SGCZ: variants seen among roughly 807,000 people sequenced by gnomAD.
SGCZ encodes zeta-sarcoglycan.
SGCZ carries 40 observed loss-of-function variants against 41.3 expected under a neutral mutation model. The ratio of observed to expected loss-of-function variants is 0.97; its 90% confidence interval spans 0.75 to 1.26. The LOEUF is 1.26. Ranked by LOEUF, SGCZ falls within the 50% of genes most tolerant of loss-of-function variation. SGCZ has a pLI of 0.00. For missense variants in SGCZ, 552 were observed against 369.8 expected, an observed-to-expected ratio of 1.49 and a Z score of -4.04; for synonymous variants, 206 against 137.5, an observed-to-expected ratio of 1.50 and a Z score of -3.49.
chr8:14,789,698 T>A (rs1473025343), intron 1 of SGCZ, among the ~76,000 whole-genome samples: 2 of 152,108 alleles, frequency 1.3e-5, no homozygotes, highest in African/African-American at 2.4e-5. Context: ...CCTACTGTCT[T>A]TCATTACTAA....
At chr8:14,412,625 A>G (rs1329753793) in intron 2 of SGCZ, among the ~76,000 whole-genome samples, 1 of 152,064 alleles carries the variant, frequency 6.6e-6, no homozygotes, top group African/African-American at 2.4e-5. Flanking sequence ...GAGTAACCTA[A>G]CCTTTTAATC....
intron 1 of SGCZ, among the ~76,000 whole-genome samples, chr8:15,055,616 C>G (rs986334214): frequency 6.6e-6 from 1 of 152,182 alleles, no homozygotes; most frequent in African/African-American, 2.4e-5. Context: ...CCTGGGACCC[C>G]CTTTGCCAAA....
At chr8:15,205,058 T>C (rs1801017410) in intron 1 of SGCZ, among the ~76,000 whole-genome samples, 1 of 152,142 alleles carries the variant, frequency 6.6e-6, no homozygotes, top group Non-Finnish European at 1.5e-5. Context: ...AAGTTCAAGT[T>C]AACAGTGAAA....
chr8:14,147,491 G>A (rs1411777894), intron 5 of SGCZ, among the ~76,000 whole-genome samples: 1 of 152,088 alleles, frequency 6.6e-6, no homozygotes, highest in Non-Finnish European at 1.5e-5. Context: ...TAATGACAAA[G>A]GTATCGATTC....
intron 1 of SGCZ, among the ~76,000 whole-genome samples, chr8:14,736,385 C>T (rs12216762): frequency 0.38 from 57,855 of 151,954 alleles, 13,416 homozygotes; most frequent in African/African-American, 0.65. Flanking sequence ...TTAGTTGTTG[C>T]ATTCTACATT....
chr8:14,352,194 A>T (rs1317789408), intron 2 of SGCZ, among the ~76,000 whole-genome samples: 2 of 152,068 alleles, frequency 1.3e-5, no homozygotes, highest in African/African-American at 4.8e-5. Context: ...GTGAAGACTC[A>T]ATTGAAAATA....
rs1255190422 is a variant in SGCZ at position 15,096,087 on chromosome 8, A to AT, written c.39+141497dup. ...CTTTTTTATTTTTACTTATTTATTT[A>AT]TTTTTTTTGAGATGGAGTCTTGCCC... On this transcript the variant is annotated intron_variant, in intron 1 of 7. Coordinates refer to ENST00000382080, the MANE Select transcript of SGCZ (RefSeq NM_139167.4). Among the ~76,000 whole-genome samples the AT allele has an allele frequency of 6.6e-5, 10 of 151,660 alleles. No individual in the cohort carries two copies. In the South Asian group the frequency reaches 8.4e-4, roughly 13 times the overall value.
intron 2 of SGCZ, among the ~76,000 whole-genome samples, chr8:14,405,852 C>T (rs943329093): frequency 1.3e-5 from 2 of 149,754 alleles, no homozygotes; most frequent in African/African-American, 5.1e-5. Flanking sequence ...AGAATAATAT[C>T]TTAGTCATTT....
chr8:14,719,851 G>C (rs1024475529), intron 1 of SGCZ, among the ~76,000 whole-genome samples: 1 of 151,866 alleles, frequency 6.6e-6, no homozygotes, highest in Non-Finnish European at 1.5e-5. Context: ...AGAAGCTCTT[G>C]AGTTTAATGA....
At chr8:14,598,265 CTCAA>C (rs34496898) in intron 1 of SGCZ, among the ~76,000 whole-genome samples, 29,267 of 151,572 alleles carry the variant, frequency 0.19, 3,461 homozygotes, top group Non-Finnish European at 0.28. Flanking sequence ...CTTTGAGTAT[CTCAA>C]TCAATCTAAT....
At chr8:15,113,481 G>T (rs1807150161) in intron 1 of SGCZ, among the ~76,000 whole-genome samples, 1 of 151,944 alleles carries the variant, frequency 6.6e-6, no homozygotes, top group Admixed American at 6.6e-5. Context: ...CTCTTTCCCT[G>T]CTTCCTCTCA....
At chr8:14,548,574 A>G (rs911179714) in intron 2 of SGCZ, among the ~76,000 whole-genome samples, 1 of 152,134 alleles carries the variant, frequency 6.6e-6, no homozygotes, top group Admixed American at 6.6e-5. Context: ...CGAGAAATGC[A>G]CATAACAAAA....
intron 2 of SGCZ, among the ~76,000 whole-genome samples, chr8:14,395,833 G>C (rs1291041869): frequency 1.3e-5 from 2 of 152,180 alleles, no homozygotes; most frequent in African/African-American, 4.8e-5. Context: ...ATGCCTAAAT[G>C]AGTGGCTTCC....
intron 1 of SGCZ, among the ~76,000 whole-genome samples, chr8:14,833,257 G>A (rs1802591204): frequency 6.6e-6 from 1 of 152,104 alleles, no homozygotes; most frequent in African/African-American, 2.4e-5. Flanking sequence ...TTTAGGCAGA[G>A]ATGACAAATT....
intron 1 of SGCZ, among the ~76,000 whole-genome samples, chr8:14,830,258 A>T (rs1027241976): frequency 4.2e-4 from 63 of 148,550 alleles, no homozygotes; most frequent in African/African-American, 1.5e-3. Context: ...TGGTTTCCAA[A>T]TTTTTTTTTT....
intron 1 of SGCZ, among the ~76,000 whole-genome samples, chr8:14,880,148 T>A (rs10098711): frequency 0.37 from 56,632 of 151,950 alleles, 13,430 homozygotes; most frequent in African/African-American, 0.67. Flanking sequence ...GCCCAAAAAA[T>A]CTGCATTTAA....
At chr8:14,327,850 G>T (rs914319254) in intron 2 of SGCZ, among the ~76,000 whole-genome samples, 1 of 152,098 alleles carries the variant, frequency 6.6e-6, no homozygotes, top group Non-Finnish European at 1.5e-5. Context: ...GCGCAATCTT[G>T]GCTCACTGCA....
chr8:15,136,327 G>A (rs150098381), intron 1 of SGCZ, among the ~76,000 whole-genome samples: 1 of 152,026 alleles, frequency 6.6e-6, no homozygotes, highest in Non-Finnish European at 1.5e-5. Context: ...CCATGAGATG[G>A]CATTCTAGTG....
intron 1 of SGCZ, among the ~76,000 whole-genome samples, chr8:14,830,192 G>T (rs1433862544): frequency 6.6e-6 from 1 of 151,860 alleles, no homozygotes; most frequent in Admixed American, 6.6e-5. Context: ...TATTTATTTG[G>T]TTATTTAATT....
Sources: gnomAD v4.1 joint callset for allele counts (sites outside exome capture counted in the v4.1 genomes callset) on GRCh38, gnomAD v4.1.1 for gene constraint, MANE v1.5 for transcripts, NCBI Gene and HGNC (gene_info 2026-07-23, HGNC 2026-07-21) for gene names.